Variants in L2HGDH observed in about 807,000 individuals in gnomAD.
L2HGDH encodes L-2-hydroxyglutarate dehydrogenase, also known as L-2-hydroxyglutarate dehydrogenase, mitochondrial.
In L2HGDH, 34 loss-of-function variants were observed where a neutral mutation model predicts 51.5. The ratio of observed to expected loss-of-function variants is 0.66; its 90% CI spans 0.50 to 0.88. The LOEUF (loss-of-function observed/expected upper bound fraction) is 0.88, where lower values mean the gene tolerates loss of function less well. L2HGDH is among the 40% of genes least tolerant of loss of function. L2HGDH has a pLI of 0.00. For missense variants in L2HGDH, 558 were observed against 571.9 expected (o/e 0.98, Z 0.25); for synonymous variants, 198 against 197.9 (o/e 1.00, Z -0.01).
intron 4 of L2HGDH, among the ~76,000 whole-genome samples, chr14:50,287,569 A>T (rs960207894): frequency 6.6e-6 from 1 of 151,736 alleles, no homozygotes; most frequent in Non-Finnish European, 1.5e-5. Flanking sequence ...CTTTTGAAGG[A>T]GGTTATCAAT....
chr14:50,308,344 G>C (rs1457719846), intron 1 of L2HGDH, among the ~76,000 whole-genome samples: 1 of 148,910 alleles, frequency 6.7e-6, no homozygotes, highest in Non-Finnish European at 1.5e-5. Flanking sequence ...CCGAGACCGC[G>C]CCACTGCGCT....
Position 50,247,033 on chromosome 14 carries a change from G to C in L2HGDH, c.*25C>G. The C allele has an allele frequency of 6.2e-7, 1 of 1,607,910 alleles. No homozygotes were observed. Among genetic ancestry groups the C allele is most frequent in the Non-Finnish European group, 8.5e-7 (1 of 1,176,024 alleles). ...TCTTGTTGCTGACATGAAGATTACA[G>C]TGCATACCTAGCTCCTTTCATTATT... On this transcript the variant is annotated 3_prime_UTR_variant, in exon 10 of 10. Transcript: ENST00000267436.
chr14:50,267,728 C>T lies in L2HGDH; in HGVS notation c.1064+25G>A, dbSNP rs1566512817. 2.6e-6 allele frequency: 4 copies of T among 1,553,858 alleles called. No individual in the cohort carries two copies. In the African/African-American group the frequency reaches 5.5e-5, roughly 21 times the overall value. On this transcript the variant is annotated intron_variant, in intron 8 of 9. Coordinates refer to ENST00000267436, the MANE Select transcript of L2HGDH (RefSeq NM_024884.3). The stretch of plus-strand genomic sequence containing the variant: ...CATTGAAAATATAAGCACATAAAAT[C>T]ATTTTTAAAAATAAATAATGTTACC...
intron 4 of L2HGDH, 47 bp downstream of exon 4, chr14:50,294,068 C>T (rs1250478270): frequency 1.2e-6 from 2 of 1,607,254 alleles, no homozygotes; most frequent in Non-Finnish European, 1.7e-6. Context: ...GCCTCCATGT[C>T]TCAGGACTAA....
In L2HGDH at chr14:50,284,014, CA is replaced by C; in HGVS notation, c.559del (p.Cys187ValfsTer28). The C allele has an allele frequency of 6.2e-7, 1 of 1,613,948 alleles. No homozygotes were observed. Among genetic ancestry groups the C allele is most frequent in the Non-Finnish European group, 8.5e-7 (1 of 1,179,862 alleles). ...PYCRGLMAIDCPHTGIVDYRQ... is the reference protein window; with the variant it reads ...PYCRGLMAIDXPHTGIVDYRQ... ...ATAGTCCACAATGCCAGTATGTGGA[CA>C]ATCAATAGCCATTAGACCCTGAAAC... On this transcript the variant is annotated frameshift_variant, in exon 5 of 10. Coordinates refer to ENST00000267436, the MANE Select transcript of L2HGDH (RefSeq NM_024884.3). LOFTEE classifies it high-confidence loss of function.
rs1787899383 is a variant in L2HGDH, at chr14:50,312,212, G to A, written c.-62C>T. On this transcript the variant is annotated 5_prime_UTR_variant, in exon 1 of 10. Transcript: ENST00000267436. Reference sequence around the variant, plus strand: ...AAGCCACTTGACCCTCCACGGCCGAGGACCCGCGCTCTTTAGCCCCGCCCC... The same window carrying A: ...AAGCCACTTGACCCTCCACGGCCGAAGACCCGCGCTCTTTAGCCCCGCCCC... The A allele has an allele frequency of 3.8e-6, 6 of 1,590,452 alleles. No homozygotes were observed. Among genetic ancestry groups the A allele is most frequent in the Non-Finnish European group, 4.3e-6 (5 of 1,172,442 alleles).
At chr14:50,265,323 G>A (rs1889275696) in intron 9 of L2HGDH, 35 bp downstream of exon 9, 1 of 1,583,092 alleles carries the variant, frequency 6.3e-7, no homozygotes, top group African/African-American at 1.3e-5. Context: ...ACATAGGTCA[G>A]GACTGTATTT....
chr14:50,269,775 T>C (rs1220020476), intron 6 of L2HGDH, among the ~76,000 whole-genome samples: 2 of 152,048 alleles, frequency 1.3e-5, no homozygotes, highest in Non-Finnish European at 2.9e-5. Flanking sequence ...TAATTAAAAA[T>C]TCAATATACC....
At chr14:50,274,499 G>A (rs1889869665) in intron 6 of L2HGDH, among the ~76,000 whole-genome samples, 1 of 152,130 alleles carries the variant, frequency 6.6e-6, no homozygotes, top group Non-Finnish European at 1.5e-5. Context: ...ATGCCCTATT[G>A]ATGGGAATGT....
chr14:50,243,609 C>T lies in L2HGDH; in HGVS notation c.*3449G>A, dbSNP rs1356709103. 3 of 802,758 alleles carry T rather than the reference C, an allele frequency of 3.7e-6. No homozygotes were observed. 49.7% of individuals were successfully genotyped at this position (802,758 alleles called of 1,614,324 possible). A position where few individuals can be genotyped will look rare whatever the true frequency, so the allele number is the denominator to read the frequency against. The stretch of plus-strand genomic sequence containing the variant: ...TAAAACGTTTTACAAGCAGAATAAC[C>T]TACATATTCAAAACACTTTCAACAA... On this transcript the variant is annotated 3_prime_UTR_variant, in exon 10 of 10. Coordinates refer to ENST00000267436, the MANE Select transcript of L2HGDH (RefSeq NM_024884.3).
chr14:50,266,103 G>GCCA (rs1369070633), intron 8 of L2HGDH, among the ~76,000 whole-genome samples: 1 of 149,578 alleles, frequency 6.7e-6, no homozygotes, highest in East Asian at 2.0e-4. Flanking sequence ...CAATGATTGT[G>GCCA]CCACTGCATT....
At position 50,243,302 on chromosome 14, in the gene L2HGDH, T is replaced by C. The variant is rs1365781703; in HGVS notation, c.*3756A>G. 10 of 985,362 alleles carry C rather than the reference T, an allele frequency of 1.0e-5. No homozygotes were observed. The highest frequency in any genetic ancestry group is 1.2e-5 in the Non-Finnish European group (10 of 829,880). The allele number at this position is 985,362 out of a possible 1,614,324, so 61.0% of individuals were successfully genotyped here. Reference sequence around the variant, plus strand: ...GTTAAAATCTAAAATGCTCCACTTTTTACCCAAAATATAAATGACTCAACC... The same window carrying C: ...GTTAAAATCTAAAATGCTCCACTTTCTACCCAAAATATAAATGACTCAACC... On this transcript the variant is annotated 3_prime_UTR_variant, in exon 10 of 10. Transcript: ENST00000267436.
At position 50,309,938 on chromosome 14, in the gene L2HGDH, T is replaced by A. The variant is rs2139235141; in HGVS notation, c.140+2073A>T. On this transcript the variant is annotated intron_variant, in intron 1 of 9. Coordinates refer to ENST00000267436, the MANE Select transcript of L2HGDH (RefSeq NM_024884.3). ...TCCAACTCTGAGGCTCAACCTATCC[T>A]CCCACCTCGGCCTCCCAAAGTGCTG... Among the ~76,000 whole-genome samples, 3 of 152,072 alleles carry A rather than the reference T, an allele frequency of 2.0e-5. 1 individual carries two copies. In the Middle Eastern group the frequency reaches 0.01, roughly 517 times the overall value.
chr14:50,265,923 A>G (rs1176886546), intron 8 of L2HGDH, among the ~76,000 whole-genome samples: 1 of 151,934 alleles, frequency 6.6e-6, no homozygotes, highest in African/African-American at 2.4e-5. Flanking sequence ...CAATCAACCA[A>G]TCAATCAATG....
chr14:50,249,618 A>G (rs193094180), intron 9 of L2HGDH, among the ~76,000 whole-genome samples: 19 of 152,182 alleles, frequency 1.2e-4, no homozygotes, highest in Non-Finnish European at 2.2e-4. Context: ...CCTGCTGACT[A>G]AAGAGCCCTT....
chr14:50,263,869 A>G (rs961575839), intron 9 of L2HGDH, among the ~76,000 whole-genome samples: 5 of 148,348 alleles, frequency 3.4e-5, no homozygotes, highest in Non-Finnish European at 4.5e-5. Flanking sequence ...TCTGCCTCCC[A>G]GGTTCAAGCC....
At chr14:50,269,104 C>A in intron 7 of L2HGDH, 59 bp downstream of exon 7, 4 of 1,444,700 alleles carry the variant, frequency 2.8e-6, no homozygotes, top group Non-Finnish European at 3.9e-6. Flanking sequence ...TTGTTTTCAT[C>A]TCCTTTATGA....
intron 4 of L2HGDH, among the ~76,000 whole-genome samples, chr14:50,289,586 T>C (rs1034440725): frequency 1.3e-5 from 2 of 152,166 alleles, no homozygotes; most frequent in Non-Finnish European, 1.5e-5. Context: ...AGGCTGGCTT[T>C]ATAGGCAGAA....
chr14:50,242,991 G>T lies in L2HGDH; in HGVS notation c.*4067C>A, dbSNP rs776405371. On this transcript the variant is annotated 3_prime_UTR_variant, in exon 10 of 10. Coordinates refer to ENST00000267436, the MANE Select transcript of L2HGDH (RefSeq NM_024884.3). Reference sequence around the variant, plus strand: ...AAAGTAGGCCCTACAAACTCCCGTAGGCCAGGGCCTGGCAGTATACCCCAT... The same window carrying T: ...AAAGTAGGCCCTACAAACTCCCGTATGCCAGGGCCTGGCAGTATACCCCAT... 1.0e-4 allele frequency: 103 copies of T among 985,286 alleles called. No individual in the cohort carries two copies. The highest frequency in any genetic ancestry group is 1.2e-4 in the Non-Finnish European group (103 of 829,962). 61.0% of individuals were successfully genotyped at this position (985,286 alleles called of 1,614,324 possible).
Sources: allele counts gnomAD v4.1 joint callset (sites outside exome capture counted in the v4.1 genomes callset), GRCh38; gene constraint gnomAD v4.1.1; transcripts MANE v1.5; gene names NCBI Gene and HGNC (gene_info 2026-07-23, HGNC 2026-07-21).